The following EXOC4 variants were observed in gnomAD, a reference collection of about 807,000 sequenced individuals.
EXOC4 encodes SEC8-like 1.
Under a neutral mutation model 107.2 loss-of-function variants are expected in EXOC4, and 71 were observed. That is an observed-to-expected ratio of 0.66 (90% CI 0.55 to 0.81). EXOC4 has a LOEUF of 0.81. Among genes scored for constraint, EXOC4 ranks in the 30% least tolerant of loss-of-function variants. The pLI is 0.00. For synonymous variants in EXOC4, 456 were observed against 441.2 expected, an observed-to-expected ratio of 1.03 and a Z score of -0.42; for missense variants, 1,108 against 1,189.6, an observed-to-expected ratio of 0.93 and a Z score of 1.01.
At chr7:133,462,481 G>A (rs963741713) in intron 7 of EXOC4, among the ~76,000 whole-genome samples, 2 of 152,160 alleles carry the variant, frequency 1.3e-5, no homozygotes, top group Admixed American at 6.5e-5. Flanking sequence ...AGAAGGTAGA[G>A]ATAACAGCTC....
chr7:133,567,525 T>C (rs1030480648), intron 9 of EXOC4, among the ~76,000 whole-genome samples: 1 of 152,206 alleles, frequency 6.6e-6, no homozygotes, highest in Non-Finnish European at 1.5e-5. Flanking sequence ...GTCTGTAAGA[T>C]AAATTTCTGG....
At chr7:133,971,579 A>T (rs1459342144) in intron 14 of EXOC4, among the ~76,000 whole-genome samples, 1 of 151,852 alleles carries the variant, frequency 6.6e-6, no homozygotes, top group African/African-American at 2.4e-5. Flanking sequence ...TTAAGGCAGG[A>T]TGTTTGCAGA....
intron 17 of EXOC4, among the ~76,000 whole-genome samples, chr7:134,020,757 A>G (rs111745713): frequency 0.015 from 2,229 of 152,272 alleles, 66 homozygotes; most frequent in African/African-American, 0.051. Flanking sequence ...AGGCTGAGGC[A>G]GGTGGATCAC....
chr7:133,380,712 T>G (rs993762969), intron 7 of EXOC4, among the ~76,000 whole-genome samples: 1 of 152,196 alleles, frequency 6.6e-6, no homozygotes, highest in African/African-American at 2.4e-5. Flanking sequence ...ATGTGTTATA[T>G]CTCTCAGAAA....
intron 14 of EXOC4, among the ~76,000 whole-genome samples, chr7:133,971,405 G>GAGAGAGAGAA (rs1801234319): frequency 1.4e-5 from 2 of 139,436 alleles, no homozygotes; most frequent in Admixed American, 7.3e-5. Flanking sequence ...GAGAGAGAAA[G>GAGAGAGAGAA]AGAGAGAGAA....
chr7:133,451,399 A>G (rs1197392943), intron 7 of EXOC4, among the ~76,000 whole-genome samples: 2 of 151,744 alleles, frequency 1.3e-5, no homozygotes, highest in East Asian at 3.9e-4. Context: ...TTTTGATCTT[A>G]TTTTCTTTAG....
chr7:133,719,895 T>A, intron 10 of EXOC4, among the ~76,000 whole-genome samples: 1 of 151,502 alleles, frequency 6.6e-6, no homozygotes, highest in Admixed American at 6.6e-5. Context: ...GAAACTAACT[T>A]CTCAGGAAAG....
At chr7:134,086,837 A>G in the EXOC4 span, among the ~76,000 whole-genome samples, 3 of 152,212 alleles carry the variant, frequency 2.0e-5, no homozygotes, top group African/African-American at 7.2e-5. Context: ...TTTCTTGATG[A>G]TATGCTAAAC....
At chr7:133,310,833 G>A (rs1383176846) in intron 4 of EXOC4, among the ~76,000 whole-genome samples, 2 of 152,174 alleles carry the variant, frequency 1.3e-5, no homozygotes, top group Non-Finnish European at 2.9e-5. Flanking sequence ...GACTCCTTCA[G>A]CTTCCATAGT....
chr7:133,874,656 A>G (rs998005731), intron 11 of EXOC4, among the ~76,000 whole-genome samples: 28 of 152,206 alleles, frequency 1.8e-4, no homozygotes, highest in African/African-American at 5.8e-4. Context: ...TGTCAGCAAA[A>G]TTGATTATTA....
Position 134,061,734 on chromosome 7 carries a change from G to C in EXOC4, c.2688-2557G>C, listed in dbSNP as rs188288007. Reference sequence around the variant, plus strand: ...CCCTCCATCACCTGTGCATCTACAGGAAACAGAATTAGATGACATAGGGCA... The same window carrying C: ...CCCTCCATCACCTGTGCATCTACAGCAAACAGAATTAGATGACATAGGGCA... On this transcript the variant is annotated intron_variant, in intron 17 of 17. Transcript: ENST00000253861. Among the ~76,000 whole-genome samples, 5 of 152,210 alleles carry C rather than the reference G, an allele frequency of 3.3e-5. No individual in the cohort carries two copies. In the East Asian group the frequency reaches 9.7e-4, roughly 29 times the overall value.
intron 3 of EXOC4, among the ~76,000 whole-genome samples, chr7:133,301,398 T>C (rs1794638423): frequency 6.6e-6 from 1 of 152,244 alleles, no homozygotes; most frequent in Admixed American, 6.5e-5. Context: ...AGTAGCCTAA[T>C]TTTATATCTT....
intron 10 of EXOC4, among the ~76,000 whole-genome samples, chr7:133,718,614 C>T (rs528228134): frequency 1.3e-5 from 2 of 152,238 alleles, no homozygotes; most frequent in South Asian, 4.1e-4. Flanking sequence ...TCCCTGCTTC[C>T]CCACTCACTG....
intron 12 of EXOC4, among the ~76,000 whole-genome samples, chr7:133,916,238 C>T (rs1046640052): frequency 2.6e-5 from 4 of 152,192 alleles, no homozygotes; most frequent in African/African-American, 7.2e-5. Context: ...CTAATGCTAC[C>T]GCTGATCTGG....
chr7:134,038,781 T>C (rs1286715123), intron 17 of EXOC4, among the ~76,000 whole-genome samples: 1 of 152,186 alleles, frequency 6.6e-6, no homozygotes, highest in Non-Finnish European at 1.5e-5. Flanking sequence ...CACTTACCAT[T>C]GGCAGTAACT....
intron 3 of EXOC4, among the ~76,000 whole-genome samples, chr7:133,301,095 T>C (rs1794632042): frequency 6.6e-6 from 1 of 152,190 alleles, no homozygotes; most frequent in Non-Finnish European, 1.5e-5. Flanking sequence ...ACCTGGAGGC[T>C]TCTTGTGCCC....
At chr7:133,355,940 A>G (rs1796011121) in intron 5 of EXOC4, among the ~76,000 whole-genome samples, 1 of 152,112 alleles carries the variant, frequency 6.6e-6, no homozygotes, top group Non-Finnish European at 1.5e-5. Flanking sequence ...CTTTTAACTA[A>G]CAAATACAAA....
intron 5 of EXOC4, among the ~76,000 whole-genome samples, chr7:133,334,054 A>G (rs1242008418): frequency 1.3e-5 from 2 of 152,138 alleles, no homozygotes; most frequent in Non-Finnish European, 2.9e-5. Flanking sequence ...TGGTTATGTT[A>G]TTTATTTGCA....
chr7:134,100,093 T>C, the EXOC4 span, among the ~76,000 whole-genome samples: 4 of 152,190 alleles, frequency 2.6e-5, no homozygotes, highest in African/African-American at 9.6e-5. Flanking sequence ...TTAAAAAAAA[T>C]ATGCATTTTT....
Sources: allele counts gnomAD v4.1 joint callset (sites outside exome capture counted in the v4.1 genomes callset), GRCh38; gene constraint gnomAD v4.1.1; transcripts MANE v1.5; gene names NCBI Gene and HGNC (gene_info 2026-07-23, HGNC 2026-07-21).